The following ARHGEF3 variants were observed in gnomAD, a reference collection of about 807,000 sequenced individuals.
ARHGEF3 encodes Rho guanine nucleotide exchange factor 3, also known as 59.8 kDA protein.
ARHGEF3 carries 28 observed loss-of-function variants against 63.2 expected under a neutral mutation model. The ratio of observed to expected loss-of-function variants is 0.44; its 90% CI spans 0.33 to 0.61. ARHGEF3 has a LOEUF of 0.61. ARHGEF3 is among the 20% of genes least tolerant of loss of function. The probability of loss-of-function intolerance (pLI) is 0.03; values close to 1 mark genes in which losing one functional copy is unlikely to be tolerated. For synonymous variants in ARHGEF3, 266 were observed against 254.2 expected (o/e 1.05, Z -0.44); for missense variants, 533 against 659.3 (o/e 0.81, Z 2.10).
At chr3:56,970,232 A>T (rs1700847972) in intron 2 of ARHGEF3, among the ~76,000 whole-genome samples, 1 of 152,210 alleles carries the variant, frequency 6.6e-6, no homozygotes, top group South Asian at 2.1e-4. Flanking sequence ...GTAATATTTT[A>T]TGTGTATTCT....
At chr3:56,750,394 ACTT>A (rs1467016053) in intron 6 of ARHGEF3, among the ~76,000 whole-genome samples, 1 of 152,228 alleles carries the variant, frequency 6.6e-6, no homozygotes, top group African/African-American at 2.4e-5. Context: ...ATCACAGCTT[ACTT>A]CTTTTTATTT....
chr3:56,804,202 C>T (rs2037784347), upstream of ARHGEF3, among the ~76,000 whole-genome samples: 1 of 152,178 alleles, frequency 6.6e-6, no homozygotes, highest in Non-Finnish European at 1.5e-5. Context: ...GATCATCTCT[C>T]AAAAGTTATT....
intron 4 of ARHGEF3, among the ~76,000 whole-genome samples, chr3:56,863,905 G>A (rs2040160440): frequency 2.0e-5 from 3 of 152,274 alleles, no homozygotes; most frequent in South Asian, 4.1e-4. Context: ...GCTATACAAT[G>A]ACAGAAGGTA....
At chr3:56,768,202 C>T (rs544486992) in intron 2 of ARHGEF3, among the ~76,000 whole-genome samples, 5 of 151,826 alleles carry the variant, frequency 3.3e-5, no homozygotes, top group African/African-American at 7.2e-5. Context: ...GGATTACAGG[C>T]GTGTGCCACC....
intron 1 of ARHGEF3, among the ~76,000 whole-genome samples, chr3:57,037,876 A>AAAAAC (rs10655156): frequency 0.048 from 6,965 of 146,458 alleles, 548 homozygotes; most frequent in African/African-American, 0.16. Context: ...CTCCGTCTCA[A>AAAAAC]AAAACAAAAC....
intron 1 of ARHGEF3, among the ~76,000 whole-genome samples, chr3:57,066,991 A>G (rs1004454488): frequency 6.6e-6 from 1 of 152,120 alleles, no homozygotes; most frequent in African/African-American, 2.4e-5. Flanking sequence ...ATTGACACAC[A>G]TCCTGTTGGT....
At chr3:56,923,060 AT>A (rs1560053846) in intron 3 of ARHGEF3, among the ~76,000 whole-genome samples, 5 of 14,914 alleles carry the variant, frequency 3.4e-4, no homozygotes, top group East Asian at 3.2e-3. Context: ...ATATATATAT[AT>A]ATATATATAT....
At chr3:56,994,872 G>C (rs765065255) in intron 2 of ARHGEF3, among the ~76,000 whole-genome samples, 9 of 152,110 alleles carry the variant, frequency 5.9e-5, no homozygotes, top group Non-Finnish European at 1.0e-4. Flanking sequence ...GACTGGACCT[G>C]GTGGTGGATT....
intron 1 of ARHGEF3, among the ~76,000 whole-genome samples, chr3:56,794,098 G>A (rs550535448): frequency 6.6e-6 from 1 of 152,182 alleles, no homozygotes; most frequent in Admixed American, 6.5e-5. Context: ...AAACATCTGA[G>A]GGGAGAGAGG....
At chr3:56,770,452 A>G (rs560805898) in intron 2 of ARHGEF3, among the ~76,000 whole-genome samples, 1 of 151,822 alleles carries the variant, frequency 6.6e-6, no homozygotes, top group Non-Finnish European at 1.5e-5. Context: ...AAATTAAAAT[A>G]AAATGAAATA....
At chr3:56,738,335 G>C (rs2033780343) in intron 7 of ARHGEF3, among the ~76,000 whole-genome samples, 2 of 151,900 alleles carry the variant, frequency 1.3e-5, no homozygotes, top group African/African-American at 4.8e-5. Context: ...ACTGCGCCTG[G>C]CCAATTTTTG....
At chr3:56,899,253 T>C (rs2041424298) in intron 3 of ARHGEF3, among the ~76,000 whole-genome samples, 1 of 152,162 alleles carries the variant, frequency 6.6e-6, no homozygotes. Context: ...GCAGATGGCA[T>C]CTGAAGTGGC....
chr3:56,843,754 C>T (rs2039392396), intron 4 of ARHGEF3, among the ~76,000 whole-genome samples: 1 of 152,046 alleles, frequency 6.6e-6, no homozygotes, highest in African/African-American at 2.4e-5. Flanking sequence ...TTCTATAATA[C>T]TTTTTCTCAG....
intron 2 of ARHGEF3, among the ~76,000 whole-genome samples, chr3:57,014,840 T>G (rs1172338225): frequency 6.6e-6 from 1 of 151,964 alleles, no homozygotes; most frequent in Non-Finnish European, 1.5e-5. Flanking sequence ...GCCACTGCAC[T>G]TGGCTAATTT....
At chr3:56,835,901 T>C (rs1360791475) in intron 4 of ARHGEF3, among the ~76,000 whole-genome samples, 3 of 152,208 alleles carry the variant, frequency 2.0e-5, no homozygotes, top group African/African-American at 4.8e-5. Context: ...AGACTTCCCG[T>C]GGAAAAAGGA....
At chr3:56,984,969 T>A (rs1277539644) in intron 2 of ARHGEF3, among the ~76,000 whole-genome samples, 1 of 152,172 alleles carries the variant, frequency 6.6e-6, no homozygotes, top group East Asian at 1.9e-4. Context: ...AAATCTAAAG[T>A]ATTATGGGAA....
chr3:56,740,569 G>A (rs113103059), intron 7 of ARHGEF3, among the ~76,000 whole-genome samples: 11 of 152,322 alleles, frequency 7.2e-5, no homozygotes, highest in African/African-American at 2.6e-4. Context: ...TTGAGAACCT[G>A]TTCCATGTTA....
chr3:56,868,408 GA>G (rs1284207036), intron 4 of ARHGEF3, among the ~76,000 whole-genome samples: 6 of 151,232 alleles, frequency 4.0e-5, no homozygotes, highest in Non-Finnish European at 7.4e-5. Context: ...ACCCAGGCTG[GA>G]GTGCAGTGTG....
intron 4 of ARHGEF3, among the ~76,000 whole-genome samples, chr3:56,832,224 G>T (rs1421350436): frequency 1.3e-5 from 2 of 152,180 alleles, no homozygotes; most frequent in Non-Finnish European, 2.9e-5. Flanking sequence ...TTTCAAAAAA[G>T]GTGAAAAATC....
Sources: allele counts gnomAD v4.1 joint callset (sites outside exome capture counted in the v4.1 genomes callset), GRCh38; gene constraint gnomAD v4.1.1; transcripts MANE v1.5; gene names NCBI Gene and HGNC (gene_info 2026-07-23, HGNC 2026-07-21).